The following SOCS7 variants were observed in gnomAD, a reference collection of about 807,000 sequenced individuals.
The protein encoded by SOCS7 is suppressor of cytokine signaling 7.
Under a neutral mutation model 58.9 loss-of-function variants are expected in SOCS7, and 18 were observed. The ratio of observed to expected loss-of-function variants is 0.31; its 90% CI spans 0.21 to 0.45. The LOEUF (loss-of-function observed/expected upper bound fraction) is 0.45, where lower values mean the gene tolerates loss of function less well. Ranked by LOEUF, SOCS7 falls within the 20% of genes least tolerant of loss-of-function variation. The probability of loss-of-function intolerance (pLI) is 1.00; values close to 1 mark genes in which losing one functional copy is unlikely to be tolerated. For synonymous variants in SOCS7, 388 were observed against 364.3 expected (o/e 1.06, Z -0.74); for missense variants, 667 against 837.3 (o/e 0.80, Z 2.51).
At chr17:38,382,741 C>T (rs994747787) in intron 7 of SOCS7, among the ~76,000 whole-genome samples, 5 of 152,152 alleles carry the variant, frequency 3.3e-5, no homozygotes, top group African/African-American at 1.2e-4. Flanking sequence ...CCTGCCTCAA[C>T]CTCCCAAAGT....
chr17:38,383,748 T>C (rs1010359408), intron 7 of SOCS7, among the ~76,000 whole-genome samples: 1 of 152,096 alleles, frequency 6.6e-6, no homozygotes, highest in African/African-American at 2.4e-5. Context: ...TTCACCATAT[T>C]GGTCAGGCTG....
chr17:38,395,700 A>G, intron 8 of SOCS7, 148 bp from the exon 9 acceptor site: 1 of 897,284 alleles, frequency 1.1e-6, no homozygotes, highest in Non-Finnish European at 1.7e-6. Context: ...GGTAAGAGTA[A>G]GGAAGACAGA....
chr17:38,381,957 A>C (rs1410533842), intron 7 of SOCS7, among the ~76,000 whole-genome samples: 3 of 148,562 alleles, frequency 2.0e-5, no homozygotes, highest in Non-Finnish European at 4.4e-5. Flanking sequence ...AAAAAAAAAA[A>C]AAAAAAAAAA....
chr17:38,358,213 A>G (rs1555567086), intron 1 of SOCS7, among the ~76,000 whole-genome samples: 2 of 152,182 alleles, frequency 1.3e-5, no homozygotes, highest in Admixed American at 6.5e-5. Context: ...GCAAAGTTAG[A>G]GGGGTATAAC....
At position 38,361,764 on chromosome 17, in the gene SOCS7, C is replaced by G. The variant is rs1483927366; in HGVS notation, c.1034C>G (p.Pro345Arg). 1.2e-6 allele frequency: 2 copies of G among 1,612,102 alleles called. No homozygotes were observed. The highest frequency in any genetic ancestry group is 1.7e-6 in the Non-Finnish European group (2 of 1,178,968). Residue 345 changes from proline (P) to arginine (R), a missense_variant, in exon 2 of 10, where the codon CCC (proline) becomes CGC (arginine). Pro to Arg is a moderately radical substitution (Grantham distance 103, BLOSUM62 -2). This residue lies in a region of SOCS7 where 16 missense variants were observed against 32.7 expected (regional missense o/e 0.49). Transcript: ENST00000612932. ...GCCTTTTCTCCGGTCTCCTTCAGCCCCCTGTTCACAGGTAAGGGTAATATC... is the reference window on the plus strand; with the variant it reads ...GCCTTTTCTCCGGTCTCCTTCAGCCGCCTGTTCACAGGTAAGGGTAATATC... ...QSAFSPVSFS[P>R]LFTGETVSLV...
At chr17:38,373,428 A>C (rs1669436810) in intron 6 of SOCS7, among the ~76,000 whole-genome samples, 1 of 152,232 alleles carries the variant, frequency 6.6e-6, no homozygotes, top group Admixed American at 6.5e-5. Context: ...GGGAAAAGAA[A>C]ATGCCACAAA....
intron 7 of SOCS7, among the ~76,000 whole-genome samples, chr17:38,380,146 T>G (rs2037982340): frequency 6.6e-6 from 1 of 152,358 alleles, no homozygotes; most frequent in South Asian, 2.1e-4. Context: ...CTTATTTCAT[T>G]GTACAAATGT....
chr17:38,363,864 C>T (rs1567737873), intron 2 of SOCS7, among the ~76,000 whole-genome samples: 3 of 152,154 alleles, frequency 2.0e-5, no homozygotes, highest in South Asian at 2.1e-4. Flanking sequence ...TTAGAGAAAT[C>T]CTGAGTTCTG....
At chr17:38,366,474 A>G in intron 5 of SOCS7, 57 bp downstream of exon 5, 1 of 1,583,338 alleles carries the variant, frequency 6.3e-7, no homozygotes, top group Non-Finnish European at 8.7e-7. Flanking sequence ...TAAATTCTGT[A>G]TTCGGACACA....
intron 9 of SOCS7, among the ~76,000 whole-genome samples, chr17:38,398,895 A>G (rs2038279638): frequency 6.6e-6 from 1 of 152,076 alleles, no homozygotes; most frequent in Non-Finnish European, 1.5e-5. Flanking sequence ...GTTTGAGACC[A>G]GCCTGGCCAA....
intron 9 of SOCS7, among the ~76,000 whole-genome samples, chr17:38,397,738 C>CT (rs1303882590): frequency 6.6e-6 from 1 of 152,216 alleles, no homozygotes; most frequent in Non-Finnish European, 1.5e-5. Context: ...TTTCACTCAG[C>CT]TTCCCTTCTC....
In SOCS7 at chr17:38,403,053, T is replaced by C. The variant is rs1001914260; in HGVS notation, c.*3571T>C. On this transcript the variant is annotated 3_prime_UTR_variant, in exon 10 of 10. Coordinates refer to ENST00000612932, the MANE Select transcript of SOCS7 (RefSeq NM_014598.4). ...GGTGGCAACCGGCTCTTTGGGACCA[T>C]TGGTGCTGACCTTTGCCTGGTCACC... is the stretch of plus-strand genomic sequence containing the variant. 2 of 152,204 alleles carry C rather than the reference T, an allele frequency of 1.3e-5. No homozygotes were observed. The highest frequency in any genetic ancestry group is 4.8e-5 in the African/African-American group (2 of 41,408). The allele number at this position is 152,204 out of a possible 1,614,324, so 9.4% of individuals were successfully genotyped here.
At position 38,366,351 on chromosome 17, in the gene SOCS7, C is replaced by A; in HGVS notation, c.1317C>A (p.His439Gln). ...AESLHSQPPQ[H>Q]LQCPLYRPDS... ...CCCTGCACAGCCAACCCCCACAGCA[C>A]CTCCAGTGTCCCCTCTACCGGCCTG... The change falls in exon 5 of 10, where the codon CAC (histidine) becomes CAA (glutamine). Residue 439 changes from histidine to glutamine, a missense_variant. His to Gln is a conservative substitution (Grantham distance 24). Transcript: ENST00000612932. 1 of 1,614,226 alleles carries A rather than the reference C, an allele frequency of 6.2e-7. No homozygotes were observed. The highest frequency in any genetic ancestry group is 8.5e-7 in the Non-Finnish European group (1 of 1,180,040).
intron 6 of SOCS7, among the ~76,000 whole-genome samples, chr17:38,377,200 A>G (rs1311746334): frequency 6.6e-6 from 1 of 152,228 alleles, no homozygotes; most frequent in African/African-American, 2.4e-5. Context: ...TTAAAGATTA[A>G]TGTTCATACT....
chr17:38,371,415 G>A (rs1189479126), intron 6 of SOCS7, among the ~76,000 whole-genome samples: 7 of 151,866 alleles, frequency 4.6e-5, no homozygotes, highest in Non-Finnish European at 8.8e-5. Flanking sequence ...GTTCCTGGAC[G>A]CGTGCCACCA....
intron 7 of SOCS7, among the ~76,000 whole-genome samples, chr17:38,388,618 C>A (rs2038111624): frequency 6.6e-6 from 1 of 152,164 alleles, no homozygotes; most frequent in South Asian, 2.1e-4. Context: ...TTCATCACAC[C>A]AAAATGAAAA....
intron 6 of SOCS7, among the ~76,000 whole-genome samples, chr17:38,372,656 C>T (rs1385135373): frequency 6.6e-6 from 1 of 152,156 alleles, no homozygotes; most frequent in African/African-American, 2.4e-5. Flanking sequence ...CTATGGGACC[C>T]ACTAGTGCCA....
Position 38,401,166 on chromosome 17 carries a change from T to C in SOCS7, c.*1684T>C, listed in dbSNP as rs2038313644. ...CTTGTAGCTGAACAGGGAGGAAACTTGCACCATTACCTGACTGTGGAAGGG... is the reference window on the plus strand; with the variant it reads ...CTTGTAGCTGAACAGGGAGGAAACTCGCACCATTACCTGACTGTGGAAGGG... On this transcript the variant is annotated 3_prime_UTR_variant, in exon 10 of 10. Coordinates refer to ENST00000612932, the MANE Select transcript of SOCS7 (RefSeq NM_014598.4). 1 of 152,238 alleles carries C rather than the reference T, an allele frequency of 6.6e-6. No homozygotes were observed. The highest frequency in any genetic ancestry group is 2.4e-5 in the African/African-American group (1 of 41,532). The allele number at this position is 152,238 out of a possible 1,614,324, so 9.4% of individuals were successfully genotyped here.
chr17:38,393,141 C>T (rs1482456738), intron 7 of SOCS7, among the ~76,000 whole-genome samples: 1 of 152,090 alleles, frequency 6.6e-6, no homozygotes, highest in Non-Finnish European at 1.5e-5. Context: ...TCCCAAAGTA[C>T]TAGGATTATA....
Sources: allele counts gnomAD v4.1 joint callset (sites outside exome capture counted in the v4.1 genomes callset), GRCh38; gene constraint gnomAD v4.1.1; regional missense constraint gnomAD v4.1.1; transcripts MANE v1.5; gene names NCBI Gene and HGNC (gene_info 2026-07-23, HGNC 2026-07-21).